The following KCND2 variants were observed in gnomAD, a reference collection of about 807,000 sequenced individuals.
The protein encoded by KCND2 is potassium voltage-gated channel subfamily D member 2, also known as A-type voltage-gated potassium channel KCND2.
KCND2 carries 16 observed loss-of-function variants against 54.4 expected under a neutral mutation model. The observed-to-expected ratio is 0.29, with a 90% CI of 0.20 to 0.45. KCND2 has a LOEUF of 0.45. KCND2 is among the 20% of genes least tolerant of loss of function. KCND2 has a pLI of 1.00. For synonymous variants in KCND2, 317 were observed against 310.7 expected (o/e 1.02, Z -0.21); for missense variants, 486 against 824.2 (o/e 0.59, Z 5.02).
rs546341761 is a variant in KCND2, at chr7:120,528,865, AT to A, written c.1116-204032del. Among the ~76,000 whole-genome samples, 14 of 152,276 alleles carry A rather than the reference AT, an allele frequency of 9.2e-5. No homozygotes were observed. In the East Asian group the frequency reaches 2.7e-3, roughly 29 times the overall value. On this transcript the variant is annotated intron_variant, in intron 1 of 5. Coordinates refer to ENST00000331113, the MANE Select transcript of KCND2 (RefSeq NM_012281.3). The stretch of plus-strand genomic sequence containing the variant: ...TTATATAAGAGAATAAGGCTATAGG[AT>A]TTTTTGGACCTCCAAATTGACAATC...
chr7:120,284,652 T>G (rs1180988688), intron 1 of KCND2, among the ~76,000 whole-genome samples: 1 of 152,172 alleles, frequency 6.6e-6, no homozygotes, highest in African/African-American at 2.4e-5. Flanking sequence ...AATCATTTTG[T>G]AGAAATGTCT....
chr7:120,665,026 G>A (rs527754328), intron 1 of KCND2, among the ~76,000 whole-genome samples: 81 of 151,982 alleles, frequency 5.3e-4, no homozygotes, highest in African/African-American at 1.6e-3. Flanking sequence ...CAAAATCCAC[G>A]ATGATGTGGT....
intron 5 of KCND2, 100 bp downstream of exon 5, chr7:120,746,127 C>T: frequency 1.4e-6 from 2 of 1,383,908 alleles, no homozygotes; most frequent in African/African-American, 1.4e-5. Context: ...AAATCCCTAG[C>T]TCCTATGGTT....
At chr7:120,602,210 A>AATAC (rs1792822081) in intron 1 of KCND2, among the ~76,000 whole-genome samples, 1 of 152,350 alleles carries the variant, frequency 6.6e-6, no homozygotes. Context: ...CTCATTTTAG[A>AATAC]GAATTCATGA....
chr7:120,370,000 T>C (rs1271574934), intron 1 of KCND2, among the ~76,000 whole-genome samples: 1 of 151,876 alleles, frequency 6.6e-6, no homozygotes, highest in Non-Finnish European at 1.5e-5. Flanking sequence ...AGAGTATATA[T>C]GGTGGATGGG....
chr7:120,742,295 A>G (rs986231818), intron 3 of KCND2: 1 of 539,380 alleles, frequency 1.9e-6, no homozygotes, highest in African/African-American at 1.9e-5. Flanking sequence ...TTTCAATTCA[A>G]GGAGGCATGT....
At chr7:120,596,176 A>G (rs1268596151) in intron 1 of KCND2, among the ~76,000 whole-genome samples, 1 of 152,192 alleles carries the variant, frequency 6.6e-6, no homozygotes, top group Non-Finnish European at 1.5e-5. Flanking sequence ...AGGTAAGGAT[A>G]TATCCAATTT....
At chr7:120,572,976 A>G (rs1040595237) in intron 1 of KCND2, among the ~76,000 whole-genome samples, 1 of 152,206 alleles carries the variant, frequency 6.6e-6, no homozygotes, top group Non-Finnish European at 1.5e-5. Context: ...TGATTTGTAA[A>G]CTATTTACAT....
intron 1 of KCND2, among the ~76,000 whole-genome samples, chr7:120,385,569 G>A (rs1339309882): frequency 1.3e-5 from 2 of 152,066 alleles, no homozygotes; most frequent in African/African-American, 2.4e-5. Flanking sequence ...TAAGAGAAAG[G>A]TCACTCAGTT....
Position 120,621,963 on chromosome 7 carries a change from G to A in KCND2, c.1116-110940G>A, listed in dbSNP as rs533454367. 6.6e-5 allele frequency among the ~76,000 whole-genome samples: 10 copies of A among 151,656 alleles called. 1 individual carries two copies. In the South Asian group the frequency reaches 2.1e-3, roughly 32 times the overall value. On this transcript the variant is annotated intron_variant, in intron 1 of 5. Coordinates refer to ENST00000331113, the MANE Select transcript of KCND2 (RefSeq NM_012281.3). ...GGCATTCAACTATATAAAAAAGAAG[G>A]TTTTTTTGTTGTTGTTGTTTTGGTT...
chr7:120,607,345 C>CTGAT (rs1402113266), intron 1 of KCND2, among the ~76,000 whole-genome samples: 3 of 152,074 alleles, frequency 2.0e-5, no homozygotes, highest in Non-Finnish European at 4.4e-5. Flanking sequence ...GCTATCCATG[C>CTGAT]TGATGTCTTC....
intron 1 of KCND2, among the ~76,000 whole-genome samples, chr7:120,677,368 CAAGAG>C (rs1342953493): frequency 6.6e-6 from 1 of 151,940 alleles, no homozygotes; most frequent in Non-Finnish European, 1.5e-5. Context: ...ATGATGAGAA[CAAGAG>C]AAGAGTCATA....
intron 1 of KCND2, among the ~76,000 whole-genome samples, chr7:120,326,302 A>G (rs186153837): frequency 7.2e-5 from 11 of 152,114 alleles, no homozygotes; most frequent in African/African-American, 2.7e-4. Flanking sequence ...TAAATGTTTT[A>G]TTACTTTATG....
intron 1 of KCND2, among the ~76,000 whole-genome samples, chr7:120,366,512 A>T (rs1372902312): frequency 1.2e-4 from 18 of 148,144 alleles, no homozygotes; most frequent in Non-Finnish European, 2.5e-4. Flanking sequence ...GGAGGGAGGG[A>T]GGAAGGAAGG....
rs991249825 is a variant in KCND2 at position 120,523,193 on chromosome 7, A to G, written c.1116-209710A>G. On this transcript the variant is annotated intron_variant, in intron 1 of 5. Coordinates refer to ENST00000331113, the MANE Select transcript of KCND2 (RefSeq NM_012281.3). ...TGTTGTTTCCGCTATCCATGTTTAG[A>G]CACTAACTTCATTTCCTAGAAGCTA... Among the ~76,000 whole-genome samples, 19 of 152,128 alleles carry G rather than the reference A, an allele frequency of 1.2e-4. 1 individual carries two copies. Among genetic ancestry groups the G allele is most frequent in the African/African-American group, 4.6e-4 (19 of 41,440 alleles).
chr7:120,296,338 A>G (rs1563000597), intron 1 of KCND2, among the ~76,000 whole-genome samples: 2 of 152,120 alleles, frequency 1.3e-5, no homozygotes, highest in African/African-American at 2.4e-5. Context: ...AAAATTTCAC[A>G]AAGTTTCTAA....
chr7:120,310,211 A>G (rs886550546), intron 1 of KCND2, among the ~76,000 whole-genome samples: 6 of 152,204 alleles, frequency 3.9e-5, no homozygotes, highest in African/African-American at 1.2e-4. Flanking sequence ...TGCTTTAAAA[A>G]TATGTAAATA....
intron 2 of KCND2, among the ~76,000 whole-genome samples, chr7:120,738,945 G>A (rs190025518): frequency 9.3e-4 from 142 of 152,082 alleles, no homozygotes; most frequent in African/African-American, 3.2e-3. Flanking sequence ...AATTGTAGTC[G>A]GGTCAAAGAA....
At chr7:120,382,758 G>T (rs1482772084) in intron 1 of KCND2, among the ~76,000 whole-genome samples, 8 of 151,634 alleles carry the variant, frequency 5.3e-5, no homozygotes. Context: ...ATACTTTGGG[G>T]GTACTTGCTC....
Sources: allele counts gnomAD v4.1 joint callset (sites outside exome capture counted in the v4.1 genomes callset), GRCh38; gene constraint gnomAD v4.1.1; transcripts MANE v1.5; gene names NCBI Gene and HGNC (gene_info 2026-07-23, HGNC 2026-07-21).